Variants in ZFHX3 observed in about 807,000 individuals in gnomAD.
The protein encoded by ZFHX3 is zinc finger homeobox protein 3.
Under a neutral mutation model 279.1 loss-of-function variants are expected in ZFHX3, and 42 were observed. The observed-to-expected ratio is 0.15, with a 90% CI of 0.12 to 0.19. The LOEUF is 0.19. Ranked by LOEUF, ZFHX3 falls within the 10% of genes least tolerant of loss-of-function variation. The pLI is 1.00. For synonymous variants in ZFHX3, 2,293 were observed against 1,957.8 expected (o/e 1.17, Z -4.52); for missense variants, 4,981 against 4,754.0 (o/e 1.05, Z -1.40).
intron 4 of ZFHX3, among the ~76,000 whole-genome samples, chr16:73,307,771 T>C (rs1343956611): frequency 6.6e-6 from 1 of 152,198 alleles, no homozygotes; most frequent in African/African-American, 2.4e-5. Flanking sequence ...CACGAGGTGA[T>C]GATAATTTCC....
intron 2 of ZFHX3, chr16:73,483,457 G>C (rs1045617869): frequency 1.1e-5 from 5 of 449,132 alleles, no homozygotes; most frequent in Non-Finnish European, 2.2e-5. Flanking sequence ...AAAAGCATGG[G>C]GGCTGTGCTC....
intron 3 of ZFHX3, among the ~76,000 whole-genome samples, chr16:73,363,741 G>T (rs7189063): frequency 0.79 from 120,515 of 152,118 alleles, 49,367 homozygotes; most frequent in Non-Finnish European, 0.92. Flanking sequence ...ATTTACTACA[G>T]AATTTGCATT....
At chr16:72,807,691 T>TGAGA (rs1892858675) in intron 7 of ZFHX3, 2 of 152,214 alleles carry the variant, frequency 1.3e-5, no homozygotes, top group Non-Finnish European at 2.9e-5. Context: ...AGCTAAATCC[T>TGAGA]GAGACTTTGG....
intron 4 of ZFHX3, among the ~76,000 whole-genome samples, chr16:73,310,505 A>AGCCATTCTCGG (rs1567446872): frequency 6.6e-6 from 1 of 151,934 alleles, no homozygotes; most frequent in Non-Finnish European, 1.5e-5. Context: ...GGGCAATTTT[A>AGCCATTCTCGG]CCCCCAGGGA....
intron 1 of ZFHX3, among the ~76,000 whole-genome samples, chr16:73,028,979 G>C (rs1231212037): frequency 6.6e-6 from 1 of 152,108 alleles, no homozygotes; most frequent in South Asian, 2.1e-4. Flanking sequence ...CCAAACAAAG[G>C]GGAAAGTCAA....
At chr16:73,878,513 A>G (rs1825700793) in intron 1 of ZFHX3, among the ~76,000 whole-genome samples, 1 of 152,198 alleles carries the variant, frequency 6.6e-6, no homozygotes, top group Admixed American at 6.5e-5. Flanking sequence ...TAGGAAGACC[A>G]GAATCAGCTC....
At chr16:72,969,402 A>G (rs1962000219) in intron 1 of ZFHX3, among the ~76,000 whole-genome samples, 1 of 151,898 alleles carries the variant, frequency 6.6e-6, no homozygotes, top group African/African-American at 2.4e-5. Flanking sequence ...TCCCCGTGAC[A>G]CTCATGATCC....
rs186651222 is a variant in ZFHX3 at position 73,094,100 on chromosome 16, G to A, written c.-896-502C>T. Among the ~76,000 whole-genome samples the A allele has an allele frequency of 7.2e-5, 11 of 152,318 alleles. No homozygotes were observed. The East Asian group carries it at 9.7e-4, about 13-fold the overall frequency. On this transcript the variant is annotated intron_variant, in intron 7 of 17. Transcript: ENST00000641206. ...CTACAAATGCACACACAAGCTAGGC[G>A]CTCAATAGCTTTCTTATAGCCCAGG...
chr16:73,717,963 C>T (rs960308921), intron 1 of ZFHX3, among the ~76,000 whole-genome samples: 3 of 152,218 alleles, frequency 2.0e-5, no homozygotes, highest in Non-Finnish European at 2.9e-5. Context: ...CTCTTGGTTA[C>T]AGGCGAGGAT....
At chr16:73,526,719 A>G (rs1026838574) in intron 2 of ZFHX3, among the ~76,000 whole-genome samples, 1 of 152,176 alleles carries the variant, frequency 6.6e-6, no homozygotes, top group African/African-American at 2.4e-5. Context: ...GAATGATGAC[A>G]CTTCCAGTGT....
intron 3 of ZFHX3, among the ~76,000 whole-genome samples, chr16:73,349,651 TCCC>T: frequency 1.0e-4 from 1 of 9,664 alleles, no homozygotes; most frequent in Non-Finnish European, 2.6e-4. Flanking sequence ...CCTCCCTCTC[TCCC>T]TCCTTCCCTC....
At chr16:73,775,230 C>A (rs1231410385) in intron 1 of ZFHX3, among the ~76,000 whole-genome samples, 1 of 152,174 alleles carries the variant, frequency 6.6e-6, no homozygotes, top group Non-Finnish European at 1.5e-5. Context: ...GCAAAGAGTT[C>A]TTTAAGAAGG....
At chr16:73,284,513 C>T (rs1352701963) in intron 4 of ZFHX3, among the ~76,000 whole-genome samples, 1 of 152,074 alleles carries the variant, frequency 6.6e-6, no homozygotes, top group African/African-American at 2.4e-5. Flanking sequence ...TAGCACTTTG[C>T]AGCCATCAGT....
chr16:73,055,678 A>ACGCGCGCGCG (rs141836776), intron 1 of ZFHX3, among the ~76,000 whole-genome samples: 1 of 117,272 alleles, frequency 8.5e-6, no homozygotes, highest in Non-Finnish European at 1.9e-5. Flanking sequence ...GTGCAGACGT[A>ACGCGCGCGCG]CGCGCGCGCG....
At chr16:72,921,115 G>C (rs1321379659) in intron 3 of ZFHX3, among the ~76,000 whole-genome samples, 2 of 134,796 alleles carry the variant, frequency 1.5e-5, no homozygotes, top group Non-Finnish European at 3.1e-5. Flanking sequence ...ACCAAACTCA[G>C]ATACTCAGAG....
chr16:73,526,215 C>T (rs950092370), intron 2 of ZFHX3, among the ~76,000 whole-genome samples: 9 of 152,226 alleles, frequency 5.9e-5, no homozygotes, highest in African/African-American at 1.9e-4. Context: ...TTTAATTCCT[C>T]ACTTCCGCCA....
chr16:73,543,379 C>A (rs1597375740), intron 2 of ZFHX3, among the ~76,000 whole-genome samples: 1 of 152,294 alleles, frequency 6.6e-6, no homozygotes, highest in African/African-American at 2.4e-5. Context: ...CCTTCAGTTT[C>A]AATGGGAGGG....
At chr16:72,846,983 G>A (rs932447210) in intron 4 of ZFHX3, among the ~76,000 whole-genome samples, 2 of 152,172 alleles carry the variant, frequency 1.3e-5, no homozygotes, top group African/African-American at 2.4e-5. Flanking sequence ...CTGAGAAGAG[G>A]ACAGGGCAGC....
intron 4 of ZFHX3, among the ~76,000 whole-genome samples, chr16:73,267,923 G>A (rs1484855548): frequency 6.6e-6 from 1 of 152,028 alleles, no homozygotes; most frequent in Admixed American, 6.6e-5. Flanking sequence ...TTTTCAATTT[G>A]TGATGTCCCC....
Sources: gnomAD v4.1 joint callset for allele counts (sites outside exome capture counted in the v4.1 genomes callset) on GRCh38, gnomAD v4.1.1 for gene constraint, MANE v1.5 for transcripts, NCBI Gene and HGNC (gene_info 2026-07-23, HGNC 2026-07-21) for gene names.